Variants in LOC128462377 observed in about 807,000 individuals in gnomAD.
chr16:89,331,107 C>A, the LOC128462377 span, among the ~76,000 whole-genome samples: 1 of 152,122 alleles, frequency 6.6e-6, no homozygotes. Flanking sequence ...GTGCCTGCCA[C>A]CATGCCCGGC....
the LOC128462377 span, among the ~76,000 whole-genome samples, chr16:89,348,669 T>C: frequency 2.6e-5 from 4 of 152,248 alleles, no homozygotes; most frequent in African/African-American, 9.6e-5. Context: ...TTCAGTAAGC[T>C]GAACTAGTTT....
At chr16:89,322,727 T>G in the LOC128462377 span, among the ~76,000 whole-genome samples, 1 of 152,108 alleles carries the variant, frequency 6.6e-6, no homozygotes, top group Non-Finnish European at 1.5e-5. Context: ...CAGTCCTGTG[T>G]GGCACCAGGG....
the LOC128462377 span, chr16:89,323,040 G>A: frequency 5.5e-3 from 1,680 of 303,574 alleles, 26 homozygotes; most frequent in African/African-American, 0.034. Flanking sequence ...GTCGGGTTTC[G>A]CCATGCTTCC....
the LOC128462377 span, among the ~76,000 whole-genome samples, chr16:89,363,825 C>CT: frequency 6.6e-6 from 1 of 152,016 alleles, no homozygotes; most frequent in Non-Finnish European, 1.5e-5. Context: ...GAGGCTGCGG[C>CT]AAGGAGGACT....
At chr16:89,397,337 A>T in the LOC128462377 span, among the ~76,000 whole-genome samples, 1 of 152,242 alleles carries the variant, frequency 6.6e-6, no homozygotes, top group Non-Finnish European at 1.5e-5. Context: ...ATTCCACCGT[A>T]AGTGCTGTCA....
the LOC128462377 span, among the ~76,000 whole-genome samples, chr16:89,338,697 C>T: frequency 9.5e-5 from 12 of 126,656 alleles, no homozygotes; most frequent in Non-Finnish European, 1.2e-4. Context: ...TGCCCTCCAG[C>T]CTGGGCAGCA....
the LOC128462377 span, among the ~76,000 whole-genome samples, chr16:89,397,624 T>C: frequency 6.6e-6 from 1 of 152,218 alleles, no homozygotes; most frequent in African/African-American, 2.4e-5. Context: ...GGCTGAGGCA[T>C]AAACTTTCCC....
At chr16:89,369,662 C>T in the LOC128462377 span, among the ~76,000 whole-genome samples, 1 of 152,088 alleles carries the variant, frequency 6.6e-6, no homozygotes, top group Non-Finnish European at 1.5e-5. Context: ...TGTGGTGACG[C>T]AAGGGTTTTA....
the LOC128462377 span, among the ~76,000 whole-genome samples, chr16:89,364,533 C>G: frequency 2.4e-3 from 370 of 152,286 alleles, 2 homozygotes; most frequent in African/African-American, 8.3e-3. Flanking sequence ...CTCAAAACAG[C>G]GCTGAGCACA....
At chr16:89,389,576 A>G in the LOC128462377 span, among the ~76,000 whole-genome samples, 1 of 152,196 alleles carries the variant, frequency 6.6e-6, no homozygotes, top group Non-Finnish European at 1.5e-5. Context: ...AGAGATGAAG[A>G]TGACGCTGTG....
At chr16:89,403,336 G>C in the LOC128462377 span, among the ~76,000 whole-genome samples, 1 of 152,128 alleles carries the variant, frequency 6.6e-6, no homozygotes, top group African/African-American at 2.4e-5. Context: ...CCTCCTGACT[G>C]GCCCCAGCAC....
At chr16:89,360,100 C>T in the LOC128462377 span, among the ~76,000 whole-genome samples, 1 of 152,130 alleles carries the variant, frequency 6.6e-6, no homozygotes, top group Non-Finnish European at 1.5e-5. Context: ...TGTTTCCTTC[C>T]CTGTGTTTTT....
the LOC128462377 span, among the ~76,000 whole-genome samples, chr16:89,326,979 G>C: frequency 6.6e-6 from 1 of 152,108 alleles, no homozygotes; most frequent in African/African-American, 2.4e-5. Flanking sequence ...AAGTCCACTG[G>C]GCAATGCAGA....
the LOC128462377 span, among the ~76,000 whole-genome samples, chr16:89,330,934 T>C: frequency 2.0e-5 from 3 of 152,206 alleles, no homozygotes; most frequent in Admixed American, 6.5e-5. Context: ...AATTAAAATT[T>C]TGAAAAATAT....
At chr16:89,335,352 C>T in the LOC128462377 span, among the ~76,000 whole-genome samples, 1 of 152,218 alleles carries the variant, frequency 6.6e-6, no homozygotes, top group Non-Finnish European at 1.5e-5. Context: ...AACAAATCCA[C>T]ACCGAGGCAT....
chr16:89,349,687 T>C, the LOC128462377 span, among the ~76,000 whole-genome samples: 1 of 152,180 alleles, frequency 6.6e-6, no homozygotes, highest in African/African-American at 2.4e-5. Context: ...GAAAACTATG[T>C]ATCTTGTAGA....
chr16:89,355,739 G>A, the LOC128462377 span, among the ~76,000 whole-genome samples: 4 of 152,194 alleles, frequency 2.6e-5, no homozygotes, highest in African/African-American at 4.8e-5. Context: ...TCCACCCGTC[G>A]AGGGCAGGTC....
At chr16:89,389,501 A>T in the LOC128462377 span, among the ~76,000 whole-genome samples, 1 of 152,230 alleles carries the variant, frequency 6.6e-6, no homozygotes, top group Non-Finnish European at 1.5e-5. Flanking sequence ...CGTGTAACTC[A>T]GTTCCTCCCC....
the LOC128462377 span, among the ~76,000 whole-genome samples, chr16:89,352,465 G>C: frequency 1.3e-5 from 2 of 151,730 alleles, no homozygotes; most frequent in Non-Finnish European, 2.9e-5. Flanking sequence ...TGGGCACAGA[G>C]GAATGTCAGG....
Sources: gnomAD v4.1 joint callset for allele counts (sites outside exome capture counted in the v4.1 genomes callset) on GRCh38, gnomAD v4.1.1 for gene constraint, MANE v1.5 for transcripts.